The following RFTN1 variants were observed in gnomAD, a reference collection of about 807,000 sequenced individuals.
RFTN1 encodes the protein raftlin.
In RFTN1, 26 loss-of-function variants were observed where a neutral mutation model predicts 46.5. The ratio of observed to expected loss-of-function variants is 0.56; its 90% CI spans 0.41 to 0.78. The LOEUF is 0.78. Among genes scored for constraint, RFTN1 ranks in the 30% least tolerant of loss-of-function variants. The pLI is 0.00. For missense variants in RFTN1, 693 were observed against 718.7 expected (o/e 0.96, Z 0.41); for synonymous variants, 261 against 284.2 (o/e 0.92, Z 0.82).
rs10575645 is a variant in RFTN1 at position 16,435,917 on chromosome 3, AATATATAT to A, written c.146-1888_146-1881del. On this transcript the variant is annotated intron_variant, in intron 2 of 9. Transcript: ENST00000334133. ...AAATAAATAAAAAATCAGAGATGTA[AATATATAT>A]ATATATATATATATATATATCACAC... 1.8e-3 allele frequency among the ~76,000 whole-genome samples: 261 copies of A among 142,350 alleles called. 1 individual carries two copies. The highest frequency in any genetic ancestry group is 5.9e-3 in the African/African-American group (224 of 37,792). 93.4% of individuals were successfully genotyped at this position (142,350 alleles called of 152,430 possible).
At chr3:16,399,827 C>T (rs906788789) in intron 4 of RFTN1, among the ~76,000 whole-genome samples, 3 of 152,154 alleles carry the variant, frequency 2.0e-5, no homozygotes, top group African/African-American at 7.2e-5. Flanking sequence ...CAGCCTTGTC[C>T]TCTCCCTCTC....
At chr3:16,389,321 G>A (rs540727018) in intron 4 of RFTN1, among the ~76,000 whole-genome samples, 1 of 152,274 alleles carries the variant, frequency 6.6e-6, no homozygotes, top group African/African-American at 2.4e-5. Flanking sequence ...TAAGTACTTG[G>A]GGATGGTTTT....
chr3:16,404,641 C>T (rs1199871065), intron 4 of RFTN1, among the ~76,000 whole-genome samples: 2 of 151,760 alleles, frequency 1.3e-5, no homozygotes, highest in Non-Finnish European at 2.9e-5. Flanking sequence ...CAGCCTTATG[C>T]CTTCAACCCA....
rs2076420896 is a variant in RFTN1, at chr3:16,484,732, T to G, written c.145+8993A>C. 6.6e-6 allele frequency: 1 copy of G among 152,196 alleles called. No individual in the cohort carries two copies. Among genetic ancestry groups the G allele is most frequent in the Non-Finnish European group, 1.5e-5 (1 of 68,032 alleles). 9.4% of individuals were successfully genotyped at this position (152,196 alleles called of 1,614,324 possible). ...TAAACCCACCACAGCACACAGAAGATTCAGGAACCAAGAAAGCCAAAGTGA... is the reference window on the plus strand; with the variant it reads ...TAAACCCACCACAGCACACAGAAGAGTCAGGAACCAAGAAAGCCAAAGTGA... On this transcript the variant is annotated intron_variant, in intron 2 of 9. Transcript: ENST00000334133. This position sits in a 1 kb window ranked among gnomAD's most constrained non-coding sequence, Gnocchi z 4.6.
At chr3:16,404,240 T>C (rs1387229321) in intron 4 of RFTN1, among the ~76,000 whole-genome samples, 1 of 40,158 alleles carries the variant, frequency 2.5e-5, no homozygotes, top group Non-Finnish European at 4.0e-5. Context: ...ATATAATATA[T>C]ATTTTATATA....
Position 16,335,110 on chromosome 3 carries a change from C to A in RFTN1, c.1147-8234G>T, listed in dbSNP as rs2070721228. ...GACTTCTGACTCAACAAATGTAAGA[C>A]AATAAACTTGCGTTGTTTTAAGTCA... On this transcript the variant is annotated intron_variant, in intron 7 of 9. Transcript: ENST00000334133. The surrounding 1 kb of genome is among the most constrained non-coding windows in gnomAD (Gnocchi z 4.7). 6.6e-6 allele frequency among the ~76,000 whole-genome samples: 1 copy of A among 152,232 alleles called. No homozygotes were observed. The highest frequency in any genetic ancestry group is 1.5e-5 in the Non-Finnish European group (1 of 68,048).
Position 16,448,456 on chromosome 3 carries a change from T to C in RFTN1, c.146-14419A>G, listed in dbSNP as rs1030948563. On this transcript the variant is annotated intron_variant, in intron 2 of 9. Coordinates refer to ENST00000334133, the MANE Select transcript of RFTN1 (RefSeq NM_015150.2). This position sits in a 1 kb window ranked among gnomAD's most constrained non-coding sequence, Gnocchi z 4.1. ...CAGCTATGAGTTGAGGTCACTTCTT[T>C]TTCCCAAAATAAATCCATAACACCA... Among the ~76,000 whole-genome samples, 3 of 152,196 alleles carry C rather than the reference T, an allele frequency of 2.0e-5. No homozygotes were observed. Among genetic ancestry groups the C allele is most frequent in the East Asian group, 3.8e-4 (2 of 5,200 alleles).
Position 16,460,473 on chromosome 3 carries a change from T to G in RFTN1, c.146-26436A>C, listed in dbSNP as rs1206173658. On this transcript the variant is annotated intron_variant, in intron 2 of 9. Transcript: ENST00000334133. This position sits in a 1 kb window ranked among gnomAD's most constrained non-coding sequence, Gnocchi z 4.8. ...TTATCTTAACAGCCCTCATACTCCT[T>G]GGACCACACCTGGGCAAGCAAAGTG... 4.6e-5 allele frequency among the ~76,000 whole-genome samples: 7 copies of G among 152,136 alleles called. No homozygotes were observed. The highest frequency in any genetic ancestry group is 9.7e-5 in the African/African-American group (4 of 41,422).
At chr3:16,333,649 A>G (rs528842286) in intron 7 of RFTN1, among the ~76,000 whole-genome samples, 50 of 152,332 alleles carry the variant, frequency 3.3e-4, no homozygotes, top group Admixed American at 2.3e-3. Flanking sequence ...TAAAAATGAC[A>G]AATTTGATTA....
In RFTN1 at chr3:16,361,255, C is replaced by G. The variant is rs952423321; in HGVS notation, c.1031-3208G>C. Among the ~76,000 whole-genome samples, 2 of 152,132 alleles carry G rather than the reference C, an allele frequency of 1.3e-5. No individual in the cohort carries two copies. The highest frequency in any genetic ancestry group is 2.9e-5 in the Non-Finnish European group (2 of 68,028). Reference sequence around the variant, plus strand: ...GGGTGAGTGACATGTTACTGGAGTTCAAGTGCACTGAATAACCTTCCAGCC... The same window carrying G: ...GGGTGAGTGACATGTTACTGGAGTTGAAGTGCACTGAATAACCTTCCAGCC... On this transcript the variant is annotated intron_variant, in intron 6 of 9. Transcript: ENST00000334133. This position sits in a 1 kb window ranked among gnomAD's most constrained non-coding sequence, Gnocchi z 4.3.
In RFTN1 at chr3:16,481,583, C is replaced by T. The variant is rs917744656; in HGVS notation, c.145+12142G>A. Among the ~76,000 whole-genome samples, 1 of 152,164 alleles carries T rather than the reference C, an allele frequency of 6.6e-6. No homozygotes were observed. The highest frequency in any genetic ancestry group is 2.1e-4 in the South Asian group (1 of 4,826). The stretch of plus-strand genomic sequence containing the variant: ...ACAAGTAGGAAGTTAAATAACTTCA[C>T]TGCATCCAACAATTGCTTTTGCCTA... On this transcript the variant is annotated intron_variant, in intron 2 of 9. Coordinates refer to ENST00000334133, the MANE Select transcript of RFTN1 (RefSeq NM_015150.2). This position sits in a 1 kb window ranked among gnomAD's most constrained non-coding sequence, Gnocchi z 5.1.
intron 3 of RFTN1, among the ~76,000 whole-genome samples, chr3:16,419,603 AC>A (rs1429450093): frequency 1.3e-5 from 2 of 149,016 alleles, no homozygotes; most frequent in Non-Finnish European, 3.0e-5. Context: ...AATTTTATGA[AC>A]CCTCTTTGCA....
intron 6 of RFTN1, among the ~76,000 whole-genome samples, chr3:16,359,032 CAA>C (rs771185605): frequency 2.5e-4 from 22 of 89,466 alleles, no homozygotes; most frequent in Admixed American, 5.1e-4. Context: ...ATTCTGTCTC[CAA>C]AAAAAAAAAA....
At chr3:16,435,739 A>G (rs923424120) in intron 2 of RFTN1, among the ~76,000 whole-genome samples, 41 of 152,144 alleles carry the variant, frequency 2.7e-4, no homozygotes, top group African/African-American at 9.6e-4. Context: ...TCTCATTCCT[A>G]CATGATTTTG....
rs950632326 is a variant in RFTN1 at position 16,400,415 on chromosome 3, G to A, written c.441+8960C>T. Among the ~76,000 whole-genome samples the A allele has an allele frequency of 2.0e-5, 3 of 152,146 alleles. No homozygotes were observed. Among genetic ancestry groups the A allele is most frequent in the African/African-American group, 7.2e-5 (3 of 41,418 alleles). Reference sequence around the variant, plus strand: ...GCAGGCCCCTTGCCATGTTCTACTCGACAGCGCTCACCCATCTGTGATCCT... The same window carrying A: ...GCAGGCCCCTTGCCATGTTCTACTCAACAGCGCTCACCCATCTGTGATCCT... On this transcript the variant is annotated intron_variant, in intron 4 of 9. Transcript: ENST00000334133. The surrounding 1 kb of genome is among the most constrained non-coding windows in gnomAD (Gnocchi z 4.5).
intron 3 of RFTN1, among the ~76,000 whole-genome samples, chr3:16,415,430 T>TATATATATATATACACACACACACACAC: frequency 8.8e-6 from 1 of 114,276 alleles, no homozygotes; most frequent in Admixed American, 9.9e-5. Context: ...TATATATATA[T>TATATATATATATACACACACACACACAC]ACACACACAC....
chr3:16,422,598 T>C lies in RFTN1; in HGVS notation c.332+11253A>G, dbSNP rs1251480701. On this transcript the variant is annotated intron_variant, in intron 3 of 9. Coordinates refer to ENST00000334133, the MANE Select transcript of RFTN1 (RefSeq NM_015150.2). The surrounding 1 kb of genome is among the most constrained non-coding windows in gnomAD (Gnocchi z 4.6). ...GTGAGCCGAGATTGTGCCACTGCAC[T>C]CCAGCCTGGTGACAAAGCGAGACTC... 1.3e-5 allele frequency among the ~76,000 whole-genome samples: 2 copies of C among 151,144 alleles called. No individual in the cohort carries two copies. Among genetic ancestry groups the C allele is most frequent in the Non-Finnish European group, 2.9e-5 (2 of 67,866 alleles).
rs998737471 is a variant in RFTN1 at position 16,327,208 on chromosome 3, C to T, written c.1147-332G>A. The stretch of plus-strand genomic sequence containing the variant: ...GAAGCATAACTGTCTCACCTCTGAG[C>T]GGTATCCAGGGCATATAACTACACG... On this transcript the variant is annotated intron_variant, in intron 7 of 9. Coordinates refer to ENST00000334133, the MANE Select transcript of RFTN1 (RefSeq NM_015150.2). This position sits in a 1 kb window ranked among gnomAD's most constrained non-coding sequence, Gnocchi z 4.2. Among the ~76,000 whole-genome samples the T allele has an allele frequency of 7.2e-5, 11 of 152,142 alleles. No homozygotes were observed. Among genetic ancestry groups the T allele is most frequent in the South Asian group, 4.1e-4 (2 of 4,822 alleles).
intron 2 of RFTN1, among the ~76,000 whole-genome samples, chr3:16,462,878 T>C (rs1029243701): frequency 3.3e-5 from 5 of 152,142 alleles, no homozygotes; most frequent in Non-Finnish European, 7.4e-5. Flanking sequence ...TAAAGGTGCC[T>C]AAAAAACGGA....
Sources: gnomAD v4.1 joint callset for allele counts (sites outside exome capture counted in the v4.1 genomes callset) on GRCh38, gnomAD v4.1.1 for gene constraint, Gnocchi (gnomAD v3.1) non-coding constraint, MANE v1.5 for transcripts, NCBI Gene and HGNC (gene_info 2026-07-23, HGNC 2026-07-21) for gene names.